The following CD4 variants were observed in gnomAD, a reference collection of about 807,000 sequenced individuals.
The protein encoded by CD4 is CD4 molecule, also known as T-cell surface glycoprotein CD4.
Under a neutral mutation model 50.5 loss-of-function variants are expected in CD4, and 25 were observed. The observed-to-expected ratio is 0.49, with a 90% CI of 0.36 to 0.69. The LOEUF is 0.69. CD4 is among the 30% of genes least tolerant of loss of function. The pLI is 0.00. For synonymous variants in CD4, 207 were observed against 221.9 expected (o/e 0.93, Z 0.60); for missense variants, 456 against 548.5 (o/e 0.83, Z 1.68).
At chr12:6,794,023 T>TATCTA (rs1555114069) in intron 1 of CD4, among the ~76,000 whole-genome samples, 1 of 136,484 alleles carries the variant, frequency 7.3e-6, no homozygotes, top group Non-Finnish European at 1.6e-5. Context: ...CTATCTAATC[T>TATCTA]ATCTATATCT....
intron 1 of CD4, among the ~76,000 whole-genome samples, chr12:6,793,573 C>T (rs1470767573): frequency 6.6e-6 from 1 of 152,142 alleles, no homozygotes; most frequent in Non-Finnish European, 1.5e-5. Context: ...GTCTCCCTTC[C>T]TCCTTTTTCA....
Position 6,790,808 on chromosome 12 carries a change from G to C in CD4, c.-68+1146G>C, listed in dbSNP as rs368205468. 9.2e-5 allele frequency among the ~76,000 whole-genome samples: 14 copies of C among 152,306 alleles called. No individual in the cohort carries two copies. In the South Asian group the frequency reaches 1.4e-3, roughly 16 times the overall value. On this transcript the variant is annotated intron_variant, in intron 1 of 9. Transcript: ENST00000011653. ...GGGGTACGTTCTGATCCCTCAAAAC[G>C]GAAAGGCCCTGTTCTCAATAATTCA... is the stretch of plus-strand genomic sequence containing the variant.
rs781852487 is a variant in CD4, at chr12:6,808,399, C to T, written c.215-5743C>T. Among the ~76,000 whole-genome samples the T allele has an allele frequency of 8.5e-5, 11 of 128,950 alleles. No individual in the cohort carries two copies. In the East Asian group the frequency reaches 8.9e-4, roughly 10 times the overall value. 84.6% of individuals were successfully genotyped at this position (128,950 alleles called of 152,430 possible). On this transcript the variant is annotated intron_variant, in intron 3 of 9. Coordinates refer to ENST00000011653, the MANE Select transcript of CD4 (RefSeq NM_000616.5). ...CCCAGGAGGCGAAGTTGCAGCGAGC[C>T]GAGATCACACTACTGCACTCCAGCC...
chr12:6,809,273 A>G (rs1555116684), intron 3 of CD4, among the ~76,000 whole-genome samples: 1 of 152,136 alleles, frequency 6.6e-6, no homozygotes, highest in Non-Finnish European at 1.5e-5. Flanking sequence ...AGGCGGCTGG[A>G]TGACTTGACC....
chr12:6,798,086 C>G (rs774919392), intron 1 of CD4, among the ~76,000 whole-genome samples: 2 of 152,094 alleles, frequency 1.3e-5, no homozygotes, highest in Admixed American at 6.5e-5. Flanking sequence ...GTTCCTGCGG[C>G]CTTCCACAGT....
At chr12:6,809,495 CA>C (rs57125418) in intron 3 of CD4, among the ~76,000 whole-genome samples, 7,847 of 140,080 alleles carry the variant, frequency 0.056, 545 homozygotes, top group African/African-American at 0.17. Flanking sequence ...GACCCTGTCT[CA>C]AAAAAAAAAA....
rs1395370309 is a variant in CD4 at position 6,800,252 on chromosome 12, G to C, written c.50-55G>C. 1.9e-6 allele frequency: 3 copies of C among 1,612,272 alleles called. No individual in the cohort carries two copies. In the African/African-American group the frequency reaches 4.0e-5, roughly 22 times the overall value. On this transcript the variant is annotated intron_variant, in intron 2 of 9. Transcript: ENST00000011653. Reference sequence around the variant, plus strand: ...GGAGGAAAGGCAAAGGTGGAGGATGGGGTAGAGGGGGACAGCGGCGACATT... The same window carrying C: ...GGAGGAAAGGCAAAGGTGGAGGATGCGGTAGAGGGGGACAGCGGCGACATT...
intron 1 of CD4, among the ~76,000 whole-genome samples, chr12:6,791,749 G>A (rs1942168447): frequency 6.6e-6 from 1 of 152,202 alleles, no homozygotes; most frequent in South Asian, 2.1e-4. Flanking sequence ...GGGCATGGTA[G>A]TGTGTGCCTG....
At chr12:6,815,737 G>T (rs1555117801) in intron 5 of CD4, 1 of 1,363,612 alleles carries the variant, frequency 7.3e-7, no homozygotes, top group East Asian at 4.2e-5. Flanking sequence ...GAAGGGTGAT[G>T]AATACGCCTC....
Position 6,792,775 on chromosome 12 carries a change from A to G in CD4, c.-68+3113A>G, listed in dbSNP as rs1283217849. The stretch of plus-strand genomic sequence containing the variant: ...AGCTTAGTGGCAGCCTGAGAGGGGA[A>G]GCTGAAAAAGGAGAAGAGGCAAGGG... On this transcript the variant is annotated intron_variant, in intron 1 of 9. Transcript: ENST00000011653. This position sits in a 1 kb window ranked among gnomAD's most constrained non-coding sequence, Gnocchi z 4.1. Among the ~76,000 whole-genome samples the G allele has an allele frequency of 1.3e-5, 2 of 152,180 alleles. No individual in the cohort carries two copies. Among genetic ancestry groups the G allele is most frequent in the Non-Finnish European group, 1.5e-5 (1 of 68,034 alleles).
chr12:6,803,164 T>C (rs1942615109), intron 3 of CD4, among the ~76,000 whole-genome samples: 1 of 152,064 alleles, frequency 6.6e-6, no homozygotes, highest in Non-Finnish European at 1.5e-5. Context: ...TTTTGTTGTT[T>C]TTTTGAGACA....
At chr12:6,796,136 C>T (rs1326131945) in intron 1 of CD4, among the ~76,000 whole-genome samples, 2 of 152,246 alleles carry the variant, frequency 1.3e-5, no homozygotes, top group African/African-American at 4.8e-5. Context: ...ACCAAGTCCT[C>T]TCTCTATGTC....
chr12:6,790,218 G>A (rs1304645118), intron 1 of CD4, among the ~76,000 whole-genome samples: 2 of 152,130 alleles, frequency 1.3e-5, no homozygotes, highest in Non-Finnish European at 1.5e-5. Context: ...TTTCCTTAAC[G>A]GGACAATCTC....
intron 4 of CD4, 30 bp from the exon 5 acceptor site, chr12:6,814,729 G>A (rs1334468812): frequency 6.6e-7 from 1 of 1,507,070 alleles, no homozygotes; most frequent in Non-Finnish European, 9.2e-7. Context: ...GATGGTATGT[G>A]TGTGACACAG....
In CD4 at chr12:6,800,331, G is replaced by A. The variant is rs202129605; in HGVS notation, c.74G>A (p.Gly25Glu). The A allele has an allele frequency of 2.7e-5, 44 of 1,614,068 alleles. No individual in the cohort carries two copies. In the East Asian group the frequency reaches 9.4e-4, roughly 34 times the overall value. The change falls in exon 3 of 10, where the codon GGA becomes GAA. Residue 25 changes from glycine (G) to glutamate (E), a missense_variant. Transcript: ENST00000011653. ...QLALLPAATQ[G>E]KKVVLGKKGD... Reference sequence around the variant, plus strand: ...GCGCTCCTCCCAGCAGCCACTCAGGGAAAGAAAGTGGTGCTGGGCAAAAAA... The same window carrying A: ...GCGCTCCTCCCAGCAGCCACTCAGGAAAAGAAAGTGGTGCTGGGCAAAAAA...
At position 6,816,466 on chromosome 12, in the gene CD4, TC is replaced by T. The variant is rs1943087747; in HGVS notation, c.955+66del. 1 of 1,369,668 alleles carries T rather than the reference TC, an allele frequency of 7.3e-7. No individual in the cohort carries two copies. Among genetic ancestry groups the T allele is most frequent in the Admixed American group, 2.3e-5 (1 of 43,276 alleles). The allele number at this position is 1,369,668 out of a possible 1,614,324, so 84.8% of individuals were successfully genotyped here. A position where few individuals can be genotyped will look rare whatever the true frequency, so the allele number is the denominator to read the frequency against. Reference sequence around the variant, plus strand: ...GAGTTGGAGGGGCCTGGCCCAGGGCTCCCTCTGAGGCAAGCCAGGCCCCAAG... The same window carrying T: ...GAGTTGGAGGGGCCTGGCCCAGGGCTCCTCTGAGGCAAGCCAGGCCCCAAG... On this transcript the variant is annotated intron_variant, in intron 6 of 9. Coordinates refer to ENST00000011653, the MANE Select transcript of CD4 (RefSeq NM_000616.5). This position sits in a 1 kb window ranked among gnomAD's most constrained non-coding sequence, Gnocchi z 4.9.
Position 6,800,394 on chromosome 12 carries a change from A to G in CD4, c.137A>G (p.Lys46Arg). 2 of 1,614,158 alleles carry G rather than the reference A, an allele frequency of 1.2e-6. No homozygotes were observed. Among genetic ancestry groups the G allele is most frequent in the Non-Finnish European group, 8.5e-7 (1 of 1,179,956 alleles). ...GAACTGACCTGTACAGCTTCCCAGA[A>G]GAAGAGCATACAATTCCACTGGAAA... is the stretch of plus-strand genomic sequence containing the variant. ...TVELTCTASQ[K>R]KSIQFHWKNS... Residue 46 changes from lysine to arginine, a missense_variant, in exon 3 of 10, where the codon AAG becomes AGG. By Grantham distance (26) the Lys-to-Arg change is conservative (BLOSUM62 2). Coordinates refer to ENST00000011653, the MANE Select transcript of CD4 (RefSeq NM_000616.5).
At chr12:6,793,456 T>C (rs966524892) in intron 1 of CD4, among the ~76,000 whole-genome samples, 1 of 152,090 alleles carries the variant, frequency 6.6e-6, no homozygotes, top group Non-Finnish European at 1.5e-5. Flanking sequence ...TGGGAACCAC[T>C]CTTTGGTATG....
At chr12:6,809,690 T>A (rs2137896974) in intron 3 of CD4, among the ~76,000 whole-genome samples, 1 of 152,158 alleles carries the variant, frequency 6.6e-6, no homozygotes, top group East Asian at 1.9e-4. Context: ...GCTTTGCACA[T>A]GCCACATCCT....
Sources: gnomAD v4.1 joint callset for allele counts (sites outside exome capture counted in the v4.1 genomes callset) on GRCh38, gnomAD v4.1.1 for gene constraint, Gnocchi (gnomAD v3.1) non-coding constraint, MANE v1.5 for transcripts, NCBI Gene and HGNC (gene_info 2026-07-23, HGNC 2026-07-21) for gene names.